Variants in PREPL observed in about 807,000 individuals in gnomAD.
PREPL encodes prolyl endopeptidase-like.
Under a neutral mutation model 70.6 loss-of-function variants are expected in PREPL, and 77 were observed. The observed-to-expected ratio is 1.09, with a 90% confidence interval of 0.91 to 1.32. PREPL has a LOEUF of 1.32. PREPL is among the 40% of genes most tolerant of loss of function. The pLI, the probability that PREPL is intolerant of heterozygous loss-of-function variation, is 0.00. For missense variants in PREPL, 1,002 were observed against 778.2 expected, an observed-to-expected ratio of 1.29 and a Z score of -3.42; for synonymous variants, 315 against 264.8, an observed-to-expected ratio of 1.19 and a Z score of -1.84.
rs1672577415 is a variant in PREPL at position 44,318,061 on chromosome 2, A to T, written c.*3295T>A. ...TCCTAATACTTAGAAATATTTGCAC[A>T]TGTGCACAATAATACTTAAAGGATC... On this transcript the variant is annotated 3_prime_UTR_variant, in exon 14 of 14. Coordinates refer to ENST00000409411, the MANE Select transcript of PREPL (RefSeq NM_001171613.2). 2 of 431,944 alleles carry T rather than the reference A, an allele frequency of 4.6e-6. No homozygotes were observed. Among genetic ancestry groups the T allele is most frequent in the Non-Finnish European group, 9.2e-6 (2 of 217,758 alleles). 26.8% of individuals were successfully genotyped at this position (431,944 alleles called of 1,614,324 possible).
At chr2:44,350,679 T>G (rs899206073) in intron 1 of PREPL, among the ~76,000 whole-genome samples, 2 of 152,188 alleles carry the variant, frequency 1.3e-5, no homozygotes, top group Admixed American at 6.5e-5. Flanking sequence ...CTGCCTCCAA[T>G]TCTTCTCCTT....
At chr2:44,323,825 T>C (rs894043479) in intron 10 of PREPL, among the ~76,000 whole-genome samples, 3 of 152,110 alleles carry the variant, frequency 2.0e-5, no homozygotes, top group Admixed American at 6.5e-5. Context: ...ACACTGGTGG[T>C]TGGAATGTAA....
chr2:44,360,982 G>A (rs974610642), intron 1 of PREPL, among the ~76,000 whole-genome samples: 1 of 152,114 alleles, frequency 6.6e-6, no homozygotes, highest in African/African-American at 2.4e-5. Flanking sequence ...AAAATAATGG[G>A]CGATTGGGGG....
At chr2:44,339,113 A>G (rs1244367879) in intron 6 of PREPL, 34 bp downstream of exon 6, 1 of 1,609,130 alleles carries the variant, frequency 6.2e-7, no homozygotes, top group East Asian at 2.2e-5. Flanking sequence ...ACTTCTTAAC[A>G]GCCCAAATAG....
chr2:44,360,450 C>T (rs547735530), intron 1 of PREPL: 2 of 152,302 alleles, frequency 1.3e-5, no homozygotes, highest in Admixed American at 6.5e-5. Context: ...AAATACTGGA[C>T]ATACTCAACT....
chr2:44,326,259 G>A (rs756608843), intron 10 of PREPL, among the ~76,000 whole-genome samples: 19 of 152,092 alleles, frequency 1.2e-4, no homozygotes, highest in Non-Finnish European at 2.6e-4. Flanking sequence ...GAAGAATAAC[G>A]GTTAATAGTT....
chr2:44,357,085 C>G (rs557826422), intron 1 of PREPL, among the ~76,000 whole-genome samples: 1 of 152,224 alleles, frequency 6.6e-6, no homozygotes, highest in African/African-American at 2.4e-5. Context: ...GGATTACTGG[C>G]GTGAGCCAGT....
At chr2:44,337,858 C>G (rs1334906908) in intron 7 of PREPL, among the ~76,000 whole-genome samples, 1 of 152,194 alleles carries the variant, frequency 6.6e-6, no homozygotes, top group Non-Finnish European at 1.5e-5. Flanking sequence ...CTGAAAGAAA[C>G]CAAAGTTTGT....
chr2:44,326,638 A>G, intron 10 of PREPL, 74 bp downstream of exon 10: 3 of 1,493,926 alleles, frequency 2.0e-6, no homozygotes, highest in Non-Finnish European at 2.8e-6. Context: ...CCAGCCCAAA[A>G]ACATTTTTCT....
chr2:44,335,472 C>T (rs189651433), intron 7 of PREPL, among the ~76,000 whole-genome samples: 51 of 152,094 alleles, frequency 3.4e-4, no homozygotes, highest in Non-Finnish European at 5.4e-4. Context: ...CTAAATTTGG[C>T]ACCAGTTAAC....
chr2:44,338,534 T>C lies in PREPL; in HGVS notation c.705A>G (p.Leu235=), dbSNP rs1674873051. 2.5e-6 allele frequency: 4 copies of C among 1,601,256 alleles called. No homozygotes were observed. The highest frequency in any genetic ancestry group is 2.3e-5 in the South Asian group (2 of 88,874). The part of the protein sequence containing the change: ...TNVGEPTEFK[L]MRTAADTPAI... The stretch of plus-strand genomic sequence containing the variant: ...CAGGGGTATCAGCCGCTGTTCTCAT[T>C]AGCTACGTGGAACAAAGTTAGAAGA... The change falls in exon 7 of 14, where the codon CTA becomes CTG. Residue 235 remains leucine (L), a splice_region_variant and synonymous_variant. Coordinates refer to ENST00000409411, the MANE Select transcript of PREPL (RefSeq NM_001171613.2).
rs1675343918 is a variant in PREPL, at chr2:44,342,565, AATG to A, written c.350-16_350-14del. 7.3e-7 allele frequency: 1 copy of A among 1,364,424 alleles called. No homozygotes were observed. Among genetic ancestry groups the A allele is most frequent in the Non-Finnish European group, 9.6e-7 (1 of 1,037,442 alleles). The allele number at this position is 1,364,424 out of a possible 1,614,324, so 84.5% of individuals were successfully genotyped here. A position where few individuals can be genotyped will look rare whatever the true frequency, so the allele number is the denominator to read the frequency against. ...TCCTTTACCCATTCTGAAAGAAAAT[AATG>A]AGATAATTATACATAATCACCTACA... On this transcript the variant is annotated splice_polypyrimidine_tract_variant and intron_variant, in intron 4 of 13. Transcript: ENST00000409411.
intron 7 of PREPL, among the ~76,000 whole-genome samples, chr2:44,332,941 T>A (rs1039242768): frequency 2.6e-5 from 4 of 152,222 alleles, no homozygotes; most frequent in Non-Finnish European, 1.5e-5. Flanking sequence ...TATTTTGGGG[T>A]ATAATCTTGG....
At chr2:44,355,891 TACA>T (rs1231852017) in intron 1 of PREPL, among the ~76,000 whole-genome samples, 1 of 152,076 alleles carries the variant, frequency 6.6e-6, no homozygotes, top group African/African-American at 2.4e-5. Flanking sequence ...TCTTTAATTA[TACA>T]ATTTCATTTT....
intron 1 of PREPL, chr2:44,359,719 A>G: frequency 1.3e-6 from 2 of 1,588,892 alleles, no homozygotes; most frequent in Middle Eastern, 1.7e-4. Flanking sequence ...GCTGCATGAT[A>G]TCAAAGTCCC....
At chr2:44,344,626 A>T in intron 2 of PREPL, 40 bp from the exon 3 acceptor site, 1 of 1,453,376 alleles carries the variant, frequency 6.9e-7, no homozygotes, top group Non-Finnish European at 9.4e-7. Context: ...TAATAATTTA[A>T]TTAACCTTTT....
At chr2:44,322,953 A>G in intron 11 of PREPL, 99 bp from the exon 12 acceptor site, 1 of 1,468,834 alleles carries the variant, frequency 6.8e-7, no homozygotes, top group Non-Finnish European at 9.2e-7. Context: ...TTTTCCCTGT[A>G]AGTGCTCTAT....
At chr2:44,342,254 A>G (rs565713235) in intron 5 of PREPL, among the ~76,000 whole-genome samples, 163 bp downstream of exon 5, 2 of 152,330 alleles carry the variant, frequency 1.3e-5, no homozygotes, top group East Asian at 1.9e-4. Context: ...GAATATTACC[A>G]GACTCCAATT....
At chr2:44,325,750 C>G (rs1368455762) in intron 10 of PREPL, among the ~76,000 whole-genome samples, 1 of 152,006 alleles carries the variant, frequency 6.6e-6, no homozygotes, top group East Asian at 1.9e-4. Context: ...TTTACAAGCC[C>G]ACAGTATAAA....
Sources: gnomAD v4.1 joint callset for allele counts (sites outside exome capture counted in the v4.1 genomes callset) on GRCh38, gnomAD v4.1.1 for gene constraint, MANE v1.5 for transcripts, NCBI Gene and HGNC (gene_info 2026-07-23, HGNC 2026-07-21) for gene names.